SYN3: variants seen among roughly 807,000 people sequenced by gnomAD.
SYN3 encodes synapsin-3.
SYN3 carries 35 observed loss-of-function variants against 65.8 expected under a neutral mutation model. The ratio of observed to expected loss-of-function variants is 0.53; its 90% CI spans 0.41 to 0.70. The LOEUF is 0.70. Among genes scored for constraint, SYN3 ranks in the 30% least tolerant of loss-of-function variants. The pLI, the probability that SYN3 is intolerant of heterozygous loss-of-function variation, is 0.00. For missense variants in SYN3, 680 were observed against 749.0 expected (o/e 0.91, Z 1.08); for synonymous variants, 270 against 292.9 (o/e 0.92, Z 0.80).
At chr22:32,600,275 C>T (rs183408948) in intron 6 of SYN3, among the ~76,000 whole-genome samples, 40 of 152,148 alleles carry the variant, frequency 2.6e-4, no homozygotes, top group Admixed American at 1.2e-3. Context: ...TCCTCGAATG[C>T]GCAATTCACG....
intron 13 of SYN3, among the ~76,000 whole-genome samples, chr22:32,516,031 C>A (rs2057766924): frequency 6.6e-6 from 1 of 152,108 alleles, no homozygotes; most frequent in South Asian, 2.1e-4. Flanking sequence ...ATCTCCTGAC[C>A]TTGTGATCCG....
At chr22:32,892,600 G>C (rs558328484) in intron 4 of SYN3, among the ~76,000 whole-genome samples, 1 of 152,318 alleles carries the variant, frequency 6.6e-6, no homozygotes, top group African/African-American at 2.4e-5. Flanking sequence ...ATCCTTGAAA[G>C]TATAGTATTG....
chr22:32,825,657 C>A (rs75004879), intron 6 of SYN3, among the ~76,000 whole-genome samples: 16 of 28,562 alleles, frequency 5.6e-4, no homozygotes, highest in African/African-American at 1.3e-3. Flanking sequence ...GTTTCCATCT[C>A]AAAAAAAAAA....
At chr22:32,753,285 T>C (rs2045192838) in intron 6 of SYN3, among the ~76,000 whole-genome samples, 1 of 152,130 alleles carries the variant, frequency 6.6e-6, no homozygotes. Context: ...GTCAGGCCGG[T>C]GGGAGCTCCT....
At chr22:32,531,408 C>G (rs1160076673) in intron 10 of SYN3, among the ~76,000 whole-genome samples, 1 of 152,082 alleles carries the variant, frequency 6.6e-6, no homozygotes, top group Non-Finnish European at 1.5e-5. Context: ...TTCCTACATT[C>G]CCTGCAGTGG....
chr22:32,710,322 T>C lies in SYN3; in HGVS notation c.712-113586A>G, dbSNP rs1393237988. 2.0e-5 allele frequency among the ~76,000 whole-genome samples: 3 copies of C among 151,434 alleles called. No homozygotes were observed. In the East Asian group the frequency reaches 5.9e-4, roughly 30 times the overall value. On this transcript the variant is annotated intron_variant, in intron 6 of 13. Transcript: ENST00000358763. Reference sequence around the variant, plus strand: ...AGCTGTTGTCAAGATAGTGAGTTCTTATGGGACCTGGTTGTTTAAAAGTGT... The same window carrying C: ...AGCTGTTGTCAAGATAGTGAGTTCTCATGGGACCTGGTTGTTTAAAAGTGT...
At chr22:32,785,397 T>C (rs1382554090) in intron 6 of SYN3, among the ~76,000 whole-genome samples, 1 of 152,206 alleles carries the variant, frequency 6.6e-6, no homozygotes. Flanking sequence ...GTACTTTCTT[T>C]TTGTTCTTGG....
At chr22:32,558,576 C>T (rs1426084053) in intron 7 of SYN3, among the ~76,000 whole-genome samples, 1 of 152,270 alleles carries the variant, frequency 6.6e-6, no homozygotes, top group Non-Finnish European at 1.5e-5. Context: ...CCTATCTTTT[C>T]CCTTCCCCAC....
intron 4 of SYN3, among the ~76,000 whole-genome samples, chr22:32,889,430 A>C (rs145242874): frequency 1.2e-4 from 17 of 145,954 alleles, no homozygotes; most frequent in African/African-American, 2.3e-4. Flanking sequence ...AAAAAAAAAA[A>C]CAAAAAACCT....
At chr22:33,028,655 G>GTGGTGGTGGTGGTGA (rs2053682365) in intron 1 of SYN3, among the ~76,000 whole-genome samples, 2 of 105,552 alleles carry the variant, frequency 1.9e-5, no homozygotes, top group African/African-American at 1.1e-4. Context: ...GGTGGTGGTG[G>GTGGTGGTGGTGGTGA]TGGTGGTGGT....
At chr22:33,044,889 C>T (rs1198444491) in intron 1 of SYN3, among the ~76,000 whole-genome samples, 2 of 150,248 alleles carry the variant, frequency 1.3e-5, no homozygotes, top group Non-Finnish European at 3.0e-5. Flanking sequence ...GTTGCCCAGG[C>T]TGGAGTGCAA....
intron 6 of SYN3, among the ~76,000 whole-genome samples, chr22:32,732,932 A>C (rs1244436336): frequency 6.6e-6 from 1 of 152,232 alleles, no homozygotes; most frequent in East Asian, 1.9e-4. Flanking sequence ...GAAAAAATCA[A>C]AACAAGACAA....
chr22:32,592,976 C>T (rs1451297098), intron 7 of SYN3, among the ~76,000 whole-genome samples: 2 of 152,214 alleles, frequency 1.3e-5, no homozygotes, highest in East Asian at 3.9e-4. Flanking sequence ...TCAAGCAACA[C>T]TGAGCTCATT....
chr22:32,713,063 T>G (rs2060986941), intron 6 of SYN3, among the ~76,000 whole-genome samples: 1 of 152,202 alleles, frequency 6.6e-6, no homozygotes, highest in South Asian at 2.1e-4. Flanking sequence ...CCTTTTTTGG[T>G]CTATCACTGT....
intron 6 of SYN3, among the ~76,000 whole-genome samples, chr22:32,755,693 T>C (rs566924698): frequency 6.6e-6 from 1 of 152,306 alleles, no homozygotes; most frequent in African/African-American, 2.4e-5. Flanking sequence ...GAACACTTTG[T>C]CATTCTGTTG....
At chr22:32,712,211 G>C (rs1353485574) in intron 6 of SYN3, among the ~76,000 whole-genome samples, 1 of 152,130 alleles carries the variant, frequency 6.6e-6, no homozygotes, top group Non-Finnish European at 1.5e-5. Context: ...TATCATTTGG[G>C]TTTCAGCTCA....
chr22:32,726,142 T>G (rs2061187925), intron 6 of SYN3, among the ~76,000 whole-genome samples: 4 of 113,446 alleles, frequency 3.5e-5, no homozygotes, highest in Admixed American at 2.5e-4. Context: ...TAATCCAGTA[T>G]AGATTTTTAT....
At chr22:32,751,798 G>A (rs1425562012) in intron 6 of SYN3, among the ~76,000 whole-genome samples, 3 of 152,196 alleles carry the variant, frequency 2.0e-5, no homozygotes, top group Non-Finnish European at 4.4e-5. Context: ...AAGAAATCTT[G>A]TTTTATGATG....
intron 7 of SYN3, among the ~76,000 whole-genome samples, chr22:32,559,849 A>G (rs1003217837): frequency 7.0e-6 from 1 of 141,862 alleles, no homozygotes; most frequent in African/African-American, 2.5e-5. Context: ...AAAAAAAAAG[A>G]AAAAAAGAAA....
Sources: allele counts gnomAD v4.1 joint callset (sites outside exome capture counted in the v4.1 genomes callset), GRCh38; gene constraint gnomAD v4.1.1; transcripts MANE v1.5; gene names NCBI Gene and HGNC (gene_info 2026-07-23, HGNC 2026-07-21).